The following MDGA2 variants were observed in gnomAD, a reference collection of about 807,000 sequenced individuals.
The protein encoded by MDGA2 is MAM domain-containing glycosylphosphatidylinositol anchor protein 2.
In MDGA2, 40 loss-of-function variants were observed where a neutral mutation model predicts 117.8. That is an observed-to-expected ratio of 0.34 (90% CI 0.26 to 0.44). The LOEUF (loss-of-function observed/expected upper bound fraction) is 0.44, where lower values mean the gene tolerates loss of function less well. MDGA2 is among the 20% of genes least tolerant of loss of function. MDGA2 has a pLI of 1.00. For missense variants in MDGA2, 1,123 were observed against 1,250.6 expected (o/e 0.90, Z 1.54); for synonymous variants, 452 against 439.0 (o/e 1.03, Z -0.37).
intron 10 of MDGA2, among the ~76,000 whole-genome samples, chr14:46,915,690 T>C (rs530355112): frequency 1.3e-5 from 2 of 152,198 alleles, no homozygotes; most frequent in African/African-American, 4.8e-5. Context: ...CAAGGCAGGG[T>C]CACGCCTGCT....
At chr14:47,468,184 T>C (rs191307334) in intron 1 of MDGA2, among the ~76,000 whole-genome samples, 61 of 152,236 alleles carry the variant, frequency 4.0e-4, no homozygotes, top group Non-Finnish European at 6.3e-4. Context: ...ACATAGACAG[T>C]CTTAGGATAG....
chr14:46,932,367 A>T (rs2138552698), intron 9 of MDGA2, among the ~76,000 whole-genome samples: 1 of 152,154 alleles, frequency 6.6e-6, no homozygotes, highest in Admixed American at 6.5e-5. Context: ...TATATAAACT[A>T]ATTTCCTTTA....
chr14:46,950,863 G>T lies in MDGA2; in HGVS notation c.2089+6511C>A, dbSNP rs1259963498. Among the ~76,000 whole-genome samples, 7 of 149,474 alleles carry T rather than the reference G, an allele frequency of 4.7e-5. No individual in the cohort carries two copies. In the East Asian group the frequency reaches 5.9e-4, roughly 13 times the overall value. On this transcript the variant is annotated intron_variant, in intron 9 of 16. Transcript: ENST00000399232. ...AAAATATATTTTCTATCTGGTCACTGTTAATTCAGTCCAAATTTAAAAAAA... is the reference window on the plus strand; with the variant it reads ...AAAATATATTTTCTATCTGGTCACTTTTAATTCAGTCCAAATTTAAAAAAA...
At chr14:47,226,730 GC>G (rs1378725662) in intron 2 of MDGA2, among the ~76,000 whole-genome samples, 1 of 152,034 alleles carries the variant, frequency 6.6e-6, no homozygotes, top group East Asian at 1.9e-4. Context: ...TTACTCTTGG[GC>G]CCCAAAACCA....
intron 6 of MDGA2, among the ~76,000 whole-genome samples, chr14:47,085,227 C>T (rs191204367): frequency 7.9e-5 from 12 of 152,032 alleles, no homozygotes; most frequent in African/African-American, 2.7e-4. Context: ...AATCAGTAAT[C>T]AAATCACTGC....
chr14:47,047,091 G>T (rs546203997), intron 7 of MDGA2, among the ~76,000 whole-genome samples: 2 of 152,038 alleles, frequency 1.3e-5, no homozygotes, highest in Non-Finnish European at 2.9e-5. Flanking sequence ...TTATCTTCAA[G>T]AATTACACTA....
At chr14:46,998,038 G>A (rs926040568) in intron 8 of MDGA2, among the ~76,000 whole-genome samples, 5 of 151,970 alleles carry the variant, frequency 3.3e-5, no homozygotes, top group Non-Finnish European at 7.4e-5. Flanking sequence ...TAAGAAACAA[G>A]AGTCAGACAT....
chr14:47,358,554 C>T (rs558642590), intron 1 of MDGA2, among the ~76,000 whole-genome samples: 12 of 152,142 alleles, frequency 7.9e-5, no homozygotes, highest in African/African-American at 2.7e-4. Flanking sequence ...TGATCCTATA[C>T]GTAGAAAACC....
At position 47,183,064 on chromosome 14, in the gene MDGA2, T is replaced by C. The variant is rs143975625; in HGVS notation, c.595+34957A>G. On this transcript the variant is annotated intron_variant, in intron 3 of 16. Transcript: ENST00000399232. ...TGCTTGCTTAGACACATACATTTGG[T>C]TGTTTTCTGAACATTTATATGTATA... Among the ~76,000 whole-genome samples the C allele has an allele frequency of 3.3e-4, 50 of 152,202 alleles. No homozygotes were observed. In the East Asian group the frequency reaches 9.7e-3, roughly 29 times the overall value.
chr14:47,373,195 T>C (rs1594822922), intron 1 of MDGA2, among the ~76,000 whole-genome samples: 1 of 152,074 alleles, frequency 6.6e-6, no homozygotes, highest in Non-Finnish European at 1.5e-5. Context: ...AGATTTTTAA[T>C]TGTTTTATTT....
chr14:47,509,762 G>T (rs1387005627), intron 1 of MDGA2, among the ~76,000 whole-genome samples: 2 of 152,178 alleles, frequency 1.3e-5, no homozygotes, highest in Non-Finnish European at 2.9e-5. Context: ...CTTTTGGACA[G>T]GAAATGTCTA....
chr14:47,114,161 C>T (rs1881197279), intron 5 of MDGA2, among the ~76,000 whole-genome samples: 1 of 152,040 alleles, frequency 6.6e-6, no homozygotes, highest in East Asian at 1.9e-4. Context: ...TTCACAACTG[C>T]TACAAAGAGA....
At chr14:47,276,933 T>A (rs1387901370) in intron 2 of MDGA2, among the ~76,000 whole-genome samples, 1 of 152,216 alleles carries the variant, frequency 6.6e-6, no homozygotes, top group Non-Finnish European at 1.5e-5. Flanking sequence ...CCTAGGTTAC[T>A]GTGTGGAGTA....
intron 8 of MDGA2, among the ~76,000 whole-genome samples, chr14:47,007,804 T>G (rs1174241897): frequency 1.3e-5 from 2 of 151,830 alleles, no homozygotes; most frequent in Non-Finnish European, 2.9e-5. Context: ...TTGTTTTGCC[T>G]CTCATGTAAG....
chr14:47,275,342 T>C (rs1472519903), intron 2 of MDGA2, among the ~76,000 whole-genome samples: 2 of 152,212 alleles, frequency 1.3e-5, no homozygotes, highest in East Asian at 3.8e-4. Context: ...ATGTACGATG[T>C]GGTTCCCAGA....
intron 9 of MDGA2, among the ~76,000 whole-genome samples, chr14:46,941,904 C>G (rs749153074): frequency 6.6e-6 from 1 of 152,124 alleles, no homozygotes; most frequent in Admixed American, 6.6e-5. Flanking sequence ...CACAGTTTTG[C>G]AACCCTACAC....
chr14:47,468,460 A>G (rs1893649288), intron 1 of MDGA2, among the ~76,000 whole-genome samples: 1 of 152,138 alleles, frequency 6.6e-6, no homozygotes, highest in Non-Finnish European at 1.5e-5. Flanking sequence ...GAGTAGAATA[A>G]GTAGTCTTTG....
intron 1 of MDGA2, among the ~76,000 whole-genome samples, chr14:47,573,819 C>T (rs1896064950): frequency 6.6e-6 from 1 of 152,064 alleles, no homozygotes; most frequent in South Asian, 2.1e-4. Context: ...CATTTGTTAA[C>T]CTTATTTTAA....
intron 1 of MDGA2, among the ~76,000 whole-genome samples, chr14:47,400,623 T>C (rs1331046019): frequency 1.3e-5 from 2 of 150,560 alleles, no homozygotes; most frequent in African/African-American, 2.4e-5. Context: ...GAGGCGTAGG[T>C]TGCAGTGAGC....
Sources: allele counts gnomAD v4.1 joint callset (sites outside exome capture counted in the v4.1 genomes callset), GRCh38; gene constraint gnomAD v4.1.1; transcripts MANE v1.5; gene names NCBI Gene and HGNC (gene_info 2026-07-23, HGNC 2026-07-21).